Variants in SCHIP1 observed in about 807,000 individuals in gnomAD.
The protein encoded by SCHIP1 is schwannomin interacting protein 1.
SCHIP1 carries 8 observed loss-of-function variants against 29.7 expected under a neutral mutation model. The ratio of observed to expected loss-of-function variants is 0.27; its 90% confidence interval spans 0.16 to 0.49. The LOEUF (loss-of-function observed/expected upper bound fraction) is 0.49. Ranked by LOEUF, SCHIP1 falls within the 20% of genes least tolerant of loss-of-function variation. The pLI, the probability that SCHIP1 is intolerant of heterozygous loss-of-function variation, is 0.99. For synonymous variants in SCHIP1, 76 were observed against 94.9 expected (o/e 0.80, Z 1.16); for missense variants, 193 against 294.6 (o/e 0.66, Z 2.52).
the SCHIP1 span, among the ~76,000 whole-genome samples, chr3:159,665,867 G>A: frequency 3.9e-5 from 6 of 152,312 alleles, 1 homozygote; most frequent in African/African-American, 1.4e-4. Flanking sequence ...AATAAAGTCA[G>A]AAGAAATGCA....
chr3:159,779,973 A>G, the SCHIP1 span, among the ~76,000 whole-genome samples: 9 of 152,198 alleles, frequency 5.9e-5, no homozygotes, highest in African/African-American at 1.4e-4. Context: ...TCCTCCTATG[A>G]TGGATGTTCA....
the SCHIP1 span, among the ~76,000 whole-genome samples, chr3:159,399,444 A>T: frequency 6.6e-6 from 1 of 152,158 alleles, no homozygotes; most frequent in South Asian, 2.1e-4. Flanking sequence ...ATGTATCCCA[A>T]GTGCCCAGAA....
chr3:159,305,481 TTGC>T, the SCHIP1 span, among the ~76,000 whole-genome samples: 1 of 152,208 alleles, frequency 6.6e-6, no homozygotes, highest in African/African-American at 2.4e-5. Context: ...AGAGAAAGTA[TTGC>T]TCCTTTTTCT....
chr3:159,446,644 C>T, the SCHIP1 span, among the ~76,000 whole-genome samples: 11 of 152,044 alleles, frequency 7.2e-5, no homozygotes, highest in Admixed American at 1.3e-4. Flanking sequence ...TAAACAGGCA[C>T]AGGCAGGGCA....
At chr3:159,574,062 C>T in the SCHIP1 span, among the ~76,000 whole-genome samples, 17 of 152,284 alleles carry the variant, frequency 1.1e-4, no homozygotes, top group East Asian at 2.7e-3. Flanking sequence ...GAACATCCTC[C>T]TTTGGCTCAG....
the SCHIP1 span, among the ~76,000 whole-genome samples, chr3:159,423,171 G>A: frequency 1.3e-5 from 2 of 152,246 alleles, no homozygotes; most frequent in Non-Finnish European, 2.9e-5. Context: ...TGAGGTACCG[G>A]GTTCATCTCA....
At chr3:159,711,190 A>G in the SCHIP1 span, among the ~76,000 whole-genome samples, 1 of 144,342 alleles carries the variant, frequency 6.9e-6, no homozygotes, top group Non-Finnish European at 1.5e-5. Context: ...AAAGAATAAT[A>G]TTCTTTAAGA....
chr3:159,756,318 C>A, the SCHIP1 span, among the ~76,000 whole-genome samples: 3 of 152,222 alleles, frequency 2.0e-5, no homozygotes, highest in African/African-American at 7.2e-5. Flanking sequence ...AGGCTCAACA[C>A]CACGTGGAAG....
Position 159,869,804 on chromosome 3 carries a change from A to G in SCHIP1, c.149+3523A>G, listed in dbSNP as rs541981473. On this transcript the variant is annotated intron_variant, in intron 2 of 6. Coordinates refer to ENST00000445224, the Ensembl canonical transcript of SCHIP1. ...TATAGACCAATTTAGGAAGCATTAC[A>G]TTTTCTCATTGTCTTTCTATCCATG... Among the ~76,000 whole-genome samples the G allele has an allele frequency of 3.9e-5, 6 of 151,910 alleles. No individual in the cohort carries two copies. The East Asian group carries it at 1.2e-3, about 29-fold the overall frequency.
the SCHIP1 span, among the ~76,000 whole-genome samples, chr3:159,403,149 TGTA>T: frequency 6.6e-6 from 1 of 152,090 alleles, no homozygotes; most frequent in African/African-American, 2.4e-5. Flanking sequence ...GCAAATAAAA[TGTA>T]GGGATAATCA....
chr3:159,396,437 A>T, the SCHIP1 span, among the ~76,000 whole-genome samples: 1 of 147,448 alleles, frequency 6.8e-6, no homozygotes, highest in Non-Finnish European at 1.5e-5. Context: ...ACATTTTGGC[A>T]TGATTTTGCA....
the SCHIP1 span, among the ~76,000 whole-genome samples, chr3:159,465,315 T>TTGTG: frequency 0.04 from 5,981 of 148,324 alleles, 342 homozygotes; most frequent in African/African-American, 0.13. Flanking sequence ...ATGTGTATGA[T>TTGTG]TGTGTGTGTG....
chr3:159,290,755 G>A, the SCHIP1 span, among the ~76,000 whole-genome samples: 274 of 152,036 alleles, frequency 1.8e-3, 2 homozygotes, highest in Admixed American at 4.3e-3. Flanking sequence ...TAGTGATATT[G>A]GCATTACTAT....
At chr3:159,558,026 A>C in the SCHIP1 span, among the ~76,000 whole-genome samples, 2 of 152,234 alleles carry the variant, frequency 1.3e-5, no homozygotes, top group African/African-American at 4.8e-5. Context: ...TCCCCGCCCC[A>C]TTCAAGAACA....
At chr3:159,575,505 G>A in the SCHIP1 span, among the ~76,000 whole-genome samples, 1 of 151,938 alleles carries the variant, frequency 6.6e-6, no homozygotes, top group Non-Finnish European at 1.5e-5. Context: ...GCACAATCAT[G>A]GCTCACTGCA....
chr3:159,722,562 G>A, the SCHIP1 span, among the ~76,000 whole-genome samples: 1 of 152,032 alleles, frequency 6.6e-6, no homozygotes, highest in African/African-American at 2.4e-5. Context: ...ATTGTTTAAT[G>A]TATACATTTG....
chr3:159,591,425 A>C, the SCHIP1 span, among the ~76,000 whole-genome samples: 39 of 152,290 alleles, frequency 2.6e-4, no homozygotes, highest in African/African-American at 8.7e-4. Flanking sequence ...TGGGTATATA[A>C]CCAAAGGATT....
At chr3:159,496,926 T>C in the SCHIP1 span, among the ~76,000 whole-genome samples, 19 of 152,200 alleles carry the variant, frequency 1.2e-4, no homozygotes, top group African/African-American at 4.1e-4. Context: ...TATGCAGCCA[T>C]AAAAAATGAT....
the SCHIP1 span, among the ~76,000 whole-genome samples, chr3:159,505,125 T>G: frequency 1.3e-5 from 2 of 152,122 alleles, no homozygotes; most frequent in African/African-American, 4.8e-5. Flanking sequence ...GACAGCCAGA[T>G]GAGATGTAGA....
Sources: allele counts gnomAD v4.1 joint callset (sites outside exome capture counted in the v4.1 genomes callset), GRCh38; gene constraint gnomAD v4.1.1; transcripts MANE v1.5; gene names NCBI Gene and HGNC (gene_info 2026-07-23, HGNC 2026-07-21).